PPARGC1A: variants seen among roughly 807,000 people sequenced by gnomAD.
The protein encoded by PPARGC1A is PPARG coactivator 1 alpha, also known as peroxisome proliferator-activated receptor gamma coactivator 1-alpha.
A neutral mutation model predicts 88.7 loss-of-function variants in PPARGC1A; 25 were observed. That is an observed-to-expected ratio of 0.28 (90% CI 0.21 to 0.39). The LOEUF is 0.39. Among genes scored for constraint, PPARGC1A ranks in the 10% least tolerant of loss-of-function variants. The pLI is 1.00. For missense variants in PPARGC1A, 880 were observed against 968.7 expected (o/e 0.91, Z 1.22); for synonymous variants, 363 against 355.6 (o/e 1.02, Z -0.24).
At chr4:24,133,191 G>T in the PPARGC1A span, among the ~76,000 whole-genome samples, 1 of 152,238 alleles carries the variant, frequency 6.6e-6, no homozygotes, top group Non-Finnish European at 1.5e-5. Context: ...CCCCCCTGGG[G>T]GGTGGTGGTG....
At chr4:23,873,226 A>AAAAAAG (rs1195094885) in intron 2 of PPARGC1A, among the ~76,000 whole-genome samples, 5 of 149,134 alleles carry the variant, frequency 3.4e-5, no homozygotes, top group African/African-American at 1.2e-4. Flanking sequence ...ATAAAAAATA[A>AAAAAAG]AGAAAAAAAT....
At chr4:23,935,716 C>T in the PPARGC1A span, among the ~76,000 whole-genome samples, 273 of 152,242 alleles carry the variant, frequency 1.8e-3, 3 homozygotes, top group African/African-American at 6.2e-3. Context: ...AAACAACAGG[C>T]ATTGAAAGTT....
At chr4:24,383,812 T>C in the PPARGC1A span, among the ~76,000 whole-genome samples, 1 of 152,202 alleles carries the variant, frequency 6.6e-6, no homozygotes, top group Non-Finnish European at 1.5e-5. Context: ...TTCCAGATAT[T>C]ATCCAGGGGA....
At chr4:24,442,817 T>C in the PPARGC1A span, among the ~76,000 whole-genome samples, 691 of 152,332 alleles carry the variant, frequency 4.5e-3, 3 homozygotes, top group African/African-American at 0.014. Context: ...TGTTCACTTC[T>C]ATTAAGTAAC....
the PPARGC1A span, among the ~76,000 whole-genome samples, chr4:24,236,663 G>A: frequency 6.6e-6 from 1 of 152,136 alleles, no homozygotes; most frequent in Non-Finnish European, 1.5e-5. Context: ...TGTGCCCTGA[G>A]CCTTTCAAAC....
chr4:24,351,925 C>T, the PPARGC1A span, among the ~76,000 whole-genome samples: 1 of 151,750 alleles, frequency 6.6e-6, no homozygotes, highest in African/African-American at 2.4e-5. Context: ...TAATGCTATC[C>T]CGTGTGGCAG....
the PPARGC1A span, among the ~76,000 whole-genome samples, chr4:24,098,141 A>C: frequency 6.6e-6 from 1 of 152,250 alleles, no homozygotes; most frequent in Non-Finnish European, 1.5e-5. Context: ...CAGGAATCCT[A>C]AAAACCTATA....
At chr4:23,984,356 C>T in the PPARGC1A span, among the ~76,000 whole-genome samples, 1 of 152,024 alleles carries the variant, frequency 6.6e-6, no homozygotes, top group African/African-American at 2.4e-5. Context: ...AATGTCACTC[C>T]CTCTCTCTTT....
At chr4:23,945,758 G>A in the PPARGC1A span, among the ~76,000 whole-genome samples, 1 of 152,122 alleles carries the variant, frequency 6.6e-6, no homozygotes, top group African/African-American at 2.4e-5. Flanking sequence ...CCCCAAGTTT[G>A]TTTTTTGAAA....
the PPARGC1A span, among the ~76,000 whole-genome samples, chr4:23,956,456 A>C: frequency 6.6e-6 from 1 of 152,074 alleles, no homozygotes; most frequent in Non-Finnish European, 1.5e-5. Flanking sequence ...GGTTTGAGTT[A>C]ATGACTCACA....
At chr4:24,185,029 A>G in the PPARGC1A span, among the ~76,000 whole-genome samples, 1 of 152,154 alleles carries the variant, frequency 6.6e-6, no homozygotes, top group East Asian at 1.9e-4. Context: ...TAACAGGTGG[A>G]GAGGCTTAAT....
chr4:23,974,321 A>G, the PPARGC1A span, among the ~76,000 whole-genome samples: 1 of 152,194 alleles, frequency 6.6e-6, no homozygotes, highest in Non-Finnish European at 1.5e-5. Flanking sequence ...TAACAATAAT[A>G]CCGACCATAA....
chr4:24,451,163 A>G, the PPARGC1A span, among the ~76,000 whole-genome samples: 4 of 152,190 alleles, frequency 2.6e-5, no homozygotes, highest in Non-Finnish European at 5.9e-5. Context: ...GCCAGCATAT[A>G]CCATAAACTT....
the PPARGC1A span, among the ~76,000 whole-genome samples, chr4:23,915,956 C>T: frequency 2.0e-5 from 3 of 152,224 alleles, no homozygotes; most frequent in Non-Finnish European, 4.4e-5. Flanking sequence ...AGCATCTGGG[C>T]TCTGGAGCCA....
the PPARGC1A span, among the ~76,000 whole-genome samples, chr4:24,067,300 T>C: frequency 6.6e-6 from 1 of 152,150 alleles, no homozygotes; most frequent in Non-Finnish European, 1.5e-5. Flanking sequence ...AGCATCTCAA[T>C]TAGTAGGAAA....
the PPARGC1A span, among the ~76,000 whole-genome samples, chr4:24,292,021 C>G: frequency 6.6e-6 from 1 of 152,082 alleles, no homozygotes; most frequent in Admixed American, 6.5e-5. Flanking sequence ...CGTGGCTTCT[C>G]CAAAGACAAA....
At chr4:24,385,027 A>G in the PPARGC1A span, among the ~76,000 whole-genome samples, 1 of 152,218 alleles carries the variant, frequency 6.6e-6, no homozygotes, top group Admixed American at 6.5e-5. Flanking sequence ...AACAGAAATC[A>G]TAACAAACAG....
chr4:23,808,846 C>T (rs1276208914), intron 10 of PPARGC1A, among the ~76,000 whole-genome samples: 1 of 152,102 alleles, frequency 6.6e-6, no homozygotes. Context: ...TTATAGATCT[C>T]CTAAAACACC....
At chr4:24,372,586 TTC>T in the PPARGC1A span, among the ~76,000 whole-genome samples, 9 of 152,184 alleles carry the variant, frequency 5.9e-5, no homozygotes, top group African/African-American at 2.2e-4. Flanking sequence ...ACACTTGCAG[TTC>T]TTAGTCTTAT....
Sources: gnomAD v4.1 joint callset for allele counts (sites outside exome capture counted in the v4.1 genomes callset) on GRCh38, gnomAD v4.1.1 for gene constraint, MANE v1.5 for transcripts, NCBI Gene and HGNC (gene_info 2026-07-23, HGNC 2026-07-21) for gene names.